ADAMTSL1: variants seen among roughly 807,000 people sequenced by gnomAD.
The protein encoded by ADAMTSL1 is ADAMTS-like protein 1.
In ADAMTSL1, 126 loss-of-function variants were observed where a neutral mutation model predicts 201.8. The ratio of observed to expected loss-of-function variants is 0.62; its 90% CI spans 0.54 to 0.72. The LOEUF (loss-of-function observed/expected upper bound fraction) is 0.72, where lower values mean the gene tolerates loss of function less well. ADAMTSL1 is among the 30% of genes least tolerant of loss of function. The pLI is 0.00. For missense variants in ADAMTSL1, 2,679 were observed against 2,277.8 expected (o/e 1.18, Z -3.59); for synonymous variants, 1,121 against 903.4 (o/e 1.24, Z -4.32).
chr9:18,826,339 G>T lies in ADAMTSL1; in HGVS notation c.3990G>T (p.Pro1330=), dbSNP rs140024094. ...GGAATAAAAGCAAACTGGGCTCCCC[G>T]CACCATCTGCACGAAGGCTCCTTGC... is the stretch of plus-strand genomic sequence containing the variant. ...WFRNKSKLGS[P]HHLHEGSLLL... Residue 1330 remains proline (P), a synonymous_variant, in exon 22 of 29, where the codon CCG becomes CCT. Coordinates refer to ENST00000380548, the MANE Select transcript of ADAMTSL1 (RefSeq NM_001040272.6). 11 of 1,612,970 alleles carry T rather than the reference G, an allele frequency of 6.8e-6. No individual in the cohort carries two copies. In the Admixed American group the frequency reaches 1.7e-4, roughly 24 times the overall value.
intron 2 of ADAMTSL1, among the ~76,000 whole-genome samples, chr9:18,254,667 G>GCCCCCCCCCCCCCCC (rs530444304): frequency 2.4e-5 from 1 of 41,816 alleles, no homozygotes; most frequent in Non-Finnish European, 5.5e-5. Context: ...CTGCCCCCCC[G>GCCCCCCCCCCCCCCC]CCCCCCCCAG....
chr9:18,891,364 C>T (rs1401095960), intron 25 of ADAMTSL1, among the ~76,000 whole-genome samples: 2 of 147,816 alleles, frequency 1.4e-5, no homozygotes, highest in African/African-American at 2.7e-5. Context: ...TTCTCCATCA[C>T]TAAAACCAAA....
At position 18,777,829 on chromosome 9, in the gene ADAMTSL1, G is replaced by A; in HGVS notation, c.3600G>A (p.Leu1200=). 6.2e-7 allele frequency: 1 copy of A among 1,608,068 alleles called. No homozygotes were observed. Among genetic ancestry groups the A allele is most frequent in the Non-Finnish European group, 8.5e-7 (1 of 1,175,410 alleles). The change falls in exon 19 of 29, where the codon CTG becomes CTA. Residue 1200 remains leucine, a synonymous_variant. Coordinates refer to ENST00000380548, the MANE Select transcript of ADAMTSL1 (RefSeq NM_001040272.6). ...CCAGCGGGACACTGAGTGTTCTTCT[G>A]CACTGTGAGGCCATCGGCCACCCAA... The part of the protein sequence containing the change: ...ALASGTLSVL[L]HCEAIGHPRP...
intron 2 of ADAMTSL1, among the ~76,000 whole-genome samples, chr9:18,250,507 C>G (rs901360001): frequency 6.6e-6 from 1 of 152,098 alleles, no homozygotes; most frequent in Non-Finnish European, 1.5e-5. Context: ...AAAGAATGTC[C>G]TTTTTCAAGA....
At chr9:18,594,460 A>G (rs1824129647) in intron 4 of ADAMTSL1, among the ~76,000 whole-genome samples, 1 of 152,060 alleles carries the variant, frequency 6.6e-6, no homozygotes, top group Non-Finnish European at 1.5e-5. Context: ...CAGTAACTCA[A>G]ATATTTGCTT....
Position 18,777,500 on chromosome 9 carries a change from G to GAGCT in ADAMTSL1, c.3272_3275dup (p.Arg1093AlafsTer45). 6.3e-7 allele frequency: 1 copy of GAGCT among 1,595,970 alleles called. No homozygotes were observed. Among genetic ancestry groups the GAGCT allele is most frequent in the Non-Finnish European group, 8.5e-7 (1 of 1,171,736 alleles). ...GGGGAACCTCTCCCAGCAGCCCGAGGAGCTGCGCGACCTCTACAGCAAGCA... is the reference window on the plus strand; with the variant it reads ...GGGGAACCTCTCCCAGCAGCCCGAGGAGCTAGCTGCGCGACCTCTACAGCAAGCA... On this transcript the variant is annotated frameshift_variant, in exon 19 of 29. Transcript: ENST00000380548. LOFTEE classifies it high-confidence loss of function.
chr9:18,699,716 T>C (rs1831810069), intron 13 of ADAMTSL1, among the ~76,000 whole-genome samples: 1 of 152,226 alleles, frequency 6.6e-6, no homozygotes, highest in Non-Finnish European at 1.5e-5. Flanking sequence ...CTTTTTCTTT[T>C]CAAGTAGTTG....
chr9:18,495,997 T>C (rs1472999720), intron 1 of ADAMTSL1, among the ~76,000 whole-genome samples: 1 of 152,322 alleles, frequency 6.6e-6, no homozygotes, highest in East Asian at 1.9e-4. Flanking sequence ...GTTGAAATCT[T>C]ACATTTTCTT....
intron 19 of ADAMTSL1, among the ~76,000 whole-genome samples, chr9:18,780,327 A>C (rs1168186069): frequency 6.6e-6 from 1 of 152,188 alleles, no homozygotes; most frequent in Non-Finnish European, 1.5e-5. Flanking sequence ...CATTTACGGA[A>C]GGCCACGGAA....
chr9:18,825,718 ACCC>A, intron 21 of ADAMTSL1, among the ~76,000 whole-genome samples: 1 of 150,084 alleles, frequency 6.7e-6, no homozygotes, highest in African/African-American at 2.5e-5. Context: ...CTCAGTCACA[ACCC>A]CTCCCCATTC....
At chr9:18,784,982 T>A (rs1211448692) in intron 19 of ADAMTSL1, among the ~76,000 whole-genome samples, 1 of 152,074 alleles carries the variant, frequency 6.6e-6, no homozygotes, top group African/African-American at 2.4e-5. Context: ...TGGCCTACAT[T>A]GTGAAACCCT....
chr9:18,491,377 T>G (rs1207293506), intron 1 of ADAMTSL1, among the ~76,000 whole-genome samples: 1 of 152,206 alleles, frequency 6.6e-6, no homozygotes, highest in African/African-American at 2.4e-5. Flanking sequence ...TTAAATATTA[T>G]TTCTCTTAAA....
chr9:17,914,169 T>G (rs578066407), intron 1 of ADAMTSL1, among the ~76,000 whole-genome samples: 32 of 152,316 alleles, frequency 2.1e-4, no homozygotes, highest in African/African-American at 7.0e-4. Flanking sequence ...TAACTCATTT[T>G]ATGAGGCCAG....
At chr9:18,683,704 C>G (rs1830658613) in intron 12 of ADAMTSL1, among the ~76,000 whole-genome samples, 1 of 152,026 alleles carries the variant, frequency 6.6e-6, no homozygotes. Context: ...GAAGTGATGC[C>G]CCTAACTTAA....
In ADAMTSL1 at chr9:18,908,488, G is replaced by A. The variant is rs1320465798; in HGVS notation, c.5229G>A (p.Leu1743=). 2 of 1,564,872 alleles carry A rather than the reference G, an allele frequency of 1.3e-6. No homozygotes were observed. The highest frequency in any genetic ancestry group is 1.7e-6 in the Non-Finnish European group (2 of 1,154,852). Reference sequence around the variant, plus strand: ...GGTACTGCGAGAAGGTGAAACAGCTGAAACTCTGCCAACTCAGCCAGTTTA... The same window carrying A: ...GGTACTGCGAGAAGGTGAAACAGCTAAAACTCTGCCAACTCAGCCAGTTTA... ...TTRYCEKVKQ[L]KLCQLSQFKS... Residue 1743 remains leucine (L), a synonymous_variant, in exon 29 of 29, where the codon CTG becomes CTA. Transcript: ENST00000380548.
intron 2 of ADAMTSL1, among the ~76,000 whole-genome samples, chr9:18,334,169 A>C (rs1835138298): frequency 6.6e-6 from 1 of 152,162 alleles, no homozygotes; most frequent in Non-Finnish European, 1.5e-5. Context: ...AATGAAAAAA[A>C]AATATGGAAA....
At chr9:18,136,335 A>G (rs993173761) in intron 1 of ADAMTSL1, among the ~76,000 whole-genome samples, 1 of 152,208 alleles carries the variant, frequency 6.6e-6, no homozygotes, top group Non-Finnish European at 1.5e-5. Flanking sequence ...CTTGGAAACC[A>G]CTGGATTAGA....
chr9:18,379,168 G>C (rs563878853), intron 2 of ADAMTSL1, among the ~76,000 whole-genome samples: 7 of 152,292 alleles, frequency 4.6e-5, no homozygotes, highest in African/African-American at 1.7e-4. Flanking sequence ...TTTGGACAAA[G>C]CTTCTGCACT....
intron 2 of ADAMTSL1, among the ~76,000 whole-genome samples, chr9:18,425,134 C>G (rs1221675300): frequency 6.6e-6 from 1 of 151,954 alleles, no homozygotes; most frequent in Non-Finnish European, 1.5e-5. Context: ...TGTGCATTCT[C>G]TCTCTCTCTC....
Sources: gnomAD v4.1 joint callset for allele counts (sites outside exome capture counted in the v4.1 genomes callset) on GRCh38, gnomAD v4.1.1 for gene constraint, MANE v1.5 for transcripts, NCBI Gene and HGNC (gene_info 2026-07-23, HGNC 2026-07-21) for gene names.